The following EDIL3 variants were observed in gnomAD, a reference collection of about 807,000 sequenced individuals.
The protein encoded by EDIL3 is EGF like and discoidin domains 3, also known as EGF-like repeat and discoidin I-like domain-containing protein 3.
Under a neutral mutation model 67.4 loss-of-function variants are expected in EDIL3, and 37 were observed. The ratio of observed to expected loss-of-function variants is 0.55; its 90% CI spans 0.42 to 0.72. The LOEUF (loss-of-function observed/expected upper bound fraction) is 0.72. EDIL3 is among the 30% of genes least tolerant of loss of function. EDIL3 has a pLI of 0.00. For missense variants in EDIL3, 527 were observed against 586.3 expected, an observed-to-expected ratio of 0.90 and a Z score of 1.04; for synonymous variants, 195 against 196.3, an observed-to-expected ratio of 0.99 and a Z score of 0.05.
intron 3 of EDIL3, among the ~76,000 whole-genome samples, chr5:84,223,092 T>G (rs959690946): frequency 6.6e-6 from 1 of 151,764 alleles, no homozygotes; most frequent in Non-Finnish European, 1.5e-5. Context: ...TCTAGGAGTT[T>G]TATGGTTTCA....
chr5:84,125,003 A>T (rs1043295498), intron 5 of EDIL3, among the ~76,000 whole-genome samples: 4 of 152,034 alleles, frequency 2.6e-5, no homozygotes, highest in African/African-American at 9.7e-5. Flanking sequence ...TATGAGGAAT[A>T]TTATTAAATT....
intron 1 of EDIL3, among the ~76,000 whole-genome samples, chr5:84,283,274 A>C (rs953281081): frequency 6.6e-6 from 1 of 152,184 alleles, no homozygotes; most frequent in Non-Finnish European, 1.5e-5. Context: ...CATGGTGATA[A>C]TCATTATAAT....
chr5:84,229,158 C>CCGG (rs1255539516), intron 3 of EDIL3, among the ~76,000 whole-genome samples: 1 of 151,866 alleles, frequency 6.6e-6, no homozygotes, highest in South Asian at 2.1e-4. Context: ...TGTGTCTGGT[C>CCGG]TTTAGTCTCT....
intron 5 of EDIL3, among the ~76,000 whole-genome samples, chr5:84,108,673 A>G (rs1315702354): frequency 4.6e-5 from 7 of 152,216 alleles, no homozygotes; most frequent in African/African-American, 7.2e-5. Flanking sequence ...AGAAACTTTC[A>G]TGATGACACT....
chr5:84,138,624 A>G (rs1015189087), intron 4 of EDIL3, among the ~76,000 whole-genome samples: 2 of 152,236 alleles, frequency 1.3e-5, no homozygotes, highest in Non-Finnish European at 2.9e-5. Context: ...GAAACAAGGA[A>G]AAAAGTATTT....
intron 3 of EDIL3, among the ~76,000 whole-genome samples, chr5:84,224,100 T>C (rs903941987): frequency 2.0e-5 from 3 of 151,408 alleles, no homozygotes; most frequent in Non-Finnish European, 4.4e-5. Flanking sequence ...AGCTTTATAT[T>C]TGAGGTGATA....
intron 3 of EDIL3, among the ~76,000 whole-genome samples, chr5:84,214,885 A>C (rs561964603): frequency 6.6e-6 from 1 of 151,958 alleles, no homozygotes; most frequent in Admixed American, 6.6e-5. Flanking sequence ...CACCTGGCCA[A>C]TTTTTTGTGT....
chr5:84,091,328 C>G (rs1198203496), intron 6 of EDIL3, among the ~76,000 whole-genome samples: 1 of 152,218 alleles, frequency 6.6e-6, no homozygotes, highest in Non-Finnish European at 1.5e-5. Context: ...GCACATAGTG[C>G]TGAAGTGCTA....
At chr5:84,343,795 ACC>A (rs1747177337) in intron 1 of EDIL3, among the ~76,000 whole-genome samples, 1 of 152,118 alleles carries the variant, frequency 6.6e-6, no homozygotes. Context: ...TTGGAATAGA[ACC>A]TGGGAAAGAA....
intron 5 of EDIL3, among the ~76,000 whole-genome samples, chr5:84,122,759 T>C (rs1220763482): frequency 6.6e-6 from 1 of 151,944 alleles, no homozygotes; most frequent in African/African-American, 2.4e-5. Flanking sequence ...GACAGTGATC[T>C]AACTCACTTT....
At chr5:84,244,454 T>G (rs1246158941) in intron 2 of EDIL3, among the ~76,000 whole-genome samples, 1 of 151,408 alleles carries the variant, frequency 6.6e-6, no homozygotes, top group African/African-American at 2.4e-5. Flanking sequence ...ATTTTTTTTT[T>G]TTTTTTGTAT....
At chr5:84,187,014 T>C (rs1256716215) in intron 3 of EDIL3, among the ~76,000 whole-genome samples, 1 of 152,032 alleles carries the variant, frequency 6.6e-6, no homozygotes, top group Non-Finnish European at 1.5e-5. Context: ...TAGACAACAA[T>C]GGTAATATCA....
intron 10 of EDIL3, among the ~76,000 whole-genome samples, chr5:83,951,024 G>A (rs543256142): frequency 6.6e-6 from 1 of 151,748 alleles, no homozygotes; most frequent in South Asian, 2.1e-4. Flanking sequence ...TCTAGACCCT[G>A]TTTGCTTCAG....
rs559854751 is a variant in EDIL3, at chr5:84,134,741, A to G, written c.469+2500T>C. 3.0e-3 allele frequency among the ~76,000 whole-genome samples: 459 copies of G among 152,278 alleles called. 2 individuals are homozygous for G. The highest frequency in any genetic ancestry group is 0.01 in the Middle Eastern group (3 of 294). Reference sequence around the variant, plus strand: ...TGTCCTTAAAATTTAATAAAATAAAAGCAAACACCCCAATAGGAAAATATT... The same window carrying G: ...TGTCCTTAAAATTTAATAAAATAAAGGCAAACACCCCAATAGGAAAATATT... On this transcript the variant is annotated intron_variant, in intron 5 of 10. Transcript: ENST00000296591.
chr5:84,051,365 A>G (rs1333698066), intron 9 of EDIL3, among the ~76,000 whole-genome samples: 1 of 152,236 alleles, frequency 6.6e-6, no homozygotes, highest in Admixed American at 6.5e-5. Context: ...GGGAAAAAAC[A>G]GAATAGAAAA....
chr5:84,027,447 G>T (rs74324724), intron 9 of EDIL3, among the ~76,000 whole-genome samples: 1 of 152,160 alleles, frequency 6.6e-6, no homozygotes, highest in South Asian at 2.1e-4. Context: ...TGTGTTTCTA[G>T]ATAGTTTTCA....
At chr5:84,079,135 T>C (rs904862153) in intron 6 of EDIL3, among the ~76,000 whole-genome samples, 3 of 152,186 alleles carry the variant, frequency 2.0e-5, no homozygotes, top group Non-Finnish European at 4.4e-5. Flanking sequence ...GAGGATCCTG[T>C]AGGGTGTCAC....
Position 84,181,652 on chromosome 5 carries a change from T to C in EDIL3, c.227-1131A>G, listed in dbSNP as rs372110248. Among the ~76,000 whole-genome samples the C allele has an allele frequency of 7.9e-5, 12 of 152,312 alleles. No homozygotes were observed. The South Asian group carries it at 2.5e-3, about 32-fold the overall frequency. On this transcript the variant is annotated intron_variant, in intron 3 of 10. Coordinates refer to ENST00000296591, the MANE Select transcript of EDIL3 (RefSeq NM_005711.5). ...CCCCAAAAATCTTTTACACTTTTAA[T>C]TCTATCTTACAGTCTTCTTCCTGCA...
Position 84,066,455 on chromosome 5 carries a change from T to A in EDIL3, c.803A>T (p.Asp268Val). The A allele has an allele frequency of 6.3e-7, 1 of 1,592,900 alleles. No homozygotes were observed. Among genetic ancestry groups the A allele is most frequent in the African/African-American group, 1.4e-5 (1 of 73,576 alleles). Residue 268 changes from aspartate (D) to valine (V), a missense_variant, in exon 7 of 11, where the codon GAC (aspartate) becomes GTC (valine). Around this residue, in one of 2 missense-constraint regions of EDIL3, gnomAD observed 494 missense variants for 522.5 expected, o/e 0.95. Coordinates refer to ENST00000296591, the MANE Select transcript of EDIL3 (RefSeq NM_005711.5). ...AMYKVKGTNE[D>V]MVFRGNIDNN... is the part of the protein sequence containing the mutation. ...AGTAGGTTAAATTATTCTTACCATG[T>A]CTTCATTGGTGCCTTTCACTTTGTA...
Sources: gnomAD v4.1 joint callset for allele counts (sites outside exome capture counted in the v4.1 genomes callset) on GRCh38, gnomAD v4.1.1 for gene constraint, gnomAD v4.1.1 regional missense constraint, MANE v1.5 for transcripts, NCBI Gene and HGNC (gene_info 2026-07-23, HGNC 2026-07-21) for gene names.